Variants in ZFHX3 observed in about 807,000 individuals in gnomAD.
ZFHX3 encodes zinc finger homeobox protein 3.
ZFHX3 carries 42 observed loss-of-function variants against 279.1 expected under a neutral mutation model. That is an observed-to-expected ratio of 0.15 (90% CI 0.12 to 0.19). The LOEUF is 0.19. Among genes scored for constraint, ZFHX3 ranks in the 10% least tolerant of loss-of-function variants. The pLI is 1.00. For synonymous variants in ZFHX3, 2,293 were observed against 1,957.8 expected (o/e 1.17, Z -4.52); for missense variants, 4,981 against 4,754.0 (o/e 1.05, Z -1.40).
chr16:73,880,465 G>C (rs187865739), intron 1 of ZFHX3, among the ~76,000 whole-genome samples: 12 of 152,214 alleles, frequency 7.9e-5, no homozygotes, highest in Admixed American at 7.2e-4. Flanking sequence ...ACTTCAATGT[G>C]GAGCTTTTAA....
At chr16:73,620,285 T>C (rs1046973682) in intron 2 of ZFHX3, among the ~76,000 whole-genome samples, 7 of 152,248 alleles carry the variant, frequency 4.6e-5, no homozygotes, top group African/African-American at 1.7e-4. Context: ...CACATGTGTT[T>C]CTCAGGTTGA....
At chr16:73,327,813 C>T (rs547158354) in intron 3 of ZFHX3, among the ~76,000 whole-genome samples, 3 of 152,282 alleles carry the variant, frequency 2.0e-5, no homozygotes, top group South Asian at 2.1e-4. Context: ...TTTTGTGCAC[C>T]GTAGACAGTT....
chr16:73,815,871 C>T (rs1426104809), intron 1 of ZFHX3: 3 of 152,160 alleles, frequency 2.0e-5, no homozygotes, highest in South Asian at 4.1e-4. Context: ...ATTTTCTAAT[C>T]TCCAGTGAAA....
chr16:73,215,710 C>A (rs1431859851), intron 5 of ZFHX3, among the ~76,000 whole-genome samples: 1 of 152,208 alleles, frequency 6.6e-6, no homozygotes, highest in Non-Finnish European at 1.5e-5. Flanking sequence ...CTGTTCACAA[C>A]TGATCATGTC....
At chr16:73,264,684 C>A (rs1174165831) in intron 4 of ZFHX3, among the ~76,000 whole-genome samples, 1 of 151,946 alleles carries the variant, frequency 6.6e-6, no homozygotes, top group African/African-American at 2.4e-5. Flanking sequence ...ACCCATCACT[C>A]AAGCAGTATA....
At chr16:72,852,838 G>A (rs2037653260) in intron 4 of ZFHX3, among the ~76,000 whole-genome samples, 1 of 152,162 alleles carries the variant, frequency 6.6e-6, no homozygotes, top group Admixed American at 6.5e-5. Context: ...TTTCTCTTTG[G>A]AACAGAAGAG....
At chr16:73,781,445 A>T (rs1047029875) in intron 1 of ZFHX3, among the ~76,000 whole-genome samples, 58 of 151,476 alleles carry the variant, frequency 3.8e-4, no homozygotes, top group African/African-American at 1.4e-3. Context: ...ACTATGGCCC[A>T]CTGCTTGTAT....
At chr16:73,853,414 C>T (rs767122005) in intron 1 of ZFHX3, among the ~76,000 whole-genome samples, 7 of 152,096 alleles carry the variant, frequency 4.6e-5, no homozygotes, top group South Asian at 4.2e-4. Context: ...CATGGACCTA[C>T]GTGTTCATCA....
chr16:73,242,506 A>C (rs1335955374), intron 5 of ZFHX3, among the ~76,000 whole-genome samples: 1 of 152,212 alleles, frequency 6.6e-6, no homozygotes, highest in Non-Finnish European at 1.5e-5. Context: ...TATACATAAA[A>C]ATAGCTATGA....
intron 1 of ZFHX3, among the ~76,000 whole-genome samples, chr16:73,817,932 C>T (rs970143487): frequency 2.0e-5 from 3 of 152,178 alleles, no homozygotes; most frequent in Admixed American, 6.5e-5. Flanking sequence ...CATTCAACCA[C>T]GGCCTGCACT....
intron 3 of ZFHX3, among the ~76,000 whole-genome samples, chr16:73,403,283 CCTG>C (rs1374116232): frequency 6.6e-6 from 1 of 152,206 alleles, no homozygotes; most frequent in Non-Finnish European, 1.5e-5. Context: ...CTGCGATTCC[CCTG>C]CTTGATGAGT....
At chr16:73,465,728 C>A (rs2018557503) in intron 2 of ZFHX3, among the ~76,000 whole-genome samples, 1 of 152,180 alleles carries the variant, frequency 6.6e-6, no homozygotes, top group African/African-American at 2.4e-5. Context: ...CAACTGCTTC[C>A]TTTTCTCCTT....
intron 1 of ZFHX3, among the ~76,000 whole-genome samples, chr16:72,992,862 C>T (rs1046365320): frequency 2.0e-5 from 3 of 152,348 alleles, no homozygotes; most frequent in East Asian, 3.9e-4. Flanking sequence ...AAAGGCCAGG[C>T]GCGATGGCCC....
At chr16:72,883,476 C>T (rs946075433) in intron 4 of ZFHX3, among the ~76,000 whole-genome samples, 2 of 152,150 alleles carry the variant, frequency 1.3e-5, no homozygotes, top group African/African-American at 4.8e-5. Context: ...TAAATACATC[C>T]CACCGCCAAA....
chr16:73,787,607 A>G (rs995230183), intron 1 of ZFHX3, among the ~76,000 whole-genome samples: 4 of 152,198 alleles, frequency 2.6e-5, no homozygotes, highest in East Asian at 1.9e-4. Context: ...ATGAAGGGAA[A>G]TAAGTTTCAT....
In ZFHX3 at chr16:72,922,944, T is replaced by C. The variant is rs1015663497; in HGVS notation, c.3216+27525A>G. On this transcript the variant is annotated intron_variant, in intron 3 of 9. Coordinates refer to ENST00000268489, the MANE Select transcript of ZFHX3 (RefSeq NM_006885.4). Reference sequence around the variant, plus strand: ...TCCTCAGATTAGAGCACTAAGTCCATATATGGTAAAGCTGCTAGAAGGACT... The same window carrying C: ...TCCTCAGATTAGAGCACTAAGTCCACATATGGTAAAGCTGCTAGAAGGACT... 5.9e-5 allele frequency among the ~76,000 whole-genome samples: 9 copies of C among 152,042 alleles called. No homozygotes were observed. In the East Asian group the frequency reaches 1.7e-3, roughly 29 times the overall value.
At chr16:73,254,139 G>A (rs549012036) in intron 5 of ZFHX3, among the ~76,000 whole-genome samples, 4 of 152,242 alleles carry the variant, frequency 2.6e-5, no homozygotes, top group East Asian at 3.9e-4. Context: ...CCAACCCTGT[G>A]GGACTCCTCT....
chr16:73,251,928 AACACACACATACACACC>A (rs1347908850), intron 5 of ZFHX3, among the ~76,000 whole-genome samples: 1 of 65,048 alleles, frequency 1.5e-5, no homozygotes, highest in Non-Finnish European at 2.7e-5. Flanking sequence ...ACACACCATG[AACACACACATACACACC>A]ACACACACGC....
rs140573350 is a variant in ZFHX3 at position 72,788,709 on chromosome 16, C to G, written c.9567G>C (p.Ala3189=). 9 of 1,610,942 alleles carry G rather than the reference C, an allele frequency of 5.6e-6. No individual in the cohort carries two copies. The highest frequency in any genetic ancestry group is 6.8e-6 in the Non-Finnish European group (8 of 1,178,280). ...SSPTPAQATM[A]MGPQQPPQQQ... is the part of the protein sequence containing the mutation. Reference sequence around the variant, plus strand: ...GCTGGGGGGGTTGCTGAGGGCCCATCGCCATCGTGGCTTGTGCTGGGGTTG... The same window carrying G: ...GCTGGGGGGGTTGCTGAGGGCCCATGGCCATCGTGGCTTGTGCTGGGGTTG... The change falls in exon 10 of 10, where the codon GCG becomes GCC. Residue 3189 remains alanine, a synonymous_variant. Coordinates refer to ENST00000268489, the MANE Select transcript of ZFHX3 (RefSeq NM_006885.4).
Sources: allele counts gnomAD v4.1 joint callset (sites outside exome capture counted in the v4.1 genomes callset), GRCh38; gene constraint gnomAD v4.1.1; transcripts MANE v1.5; gene names NCBI Gene and HGNC (gene_info 2026-07-23, HGNC 2026-07-21).